Variants in SATB2 observed in about 807,000 individuals in gnomAD.
SATB2 encodes DNA-binding protein SATB2.
In SATB2, 1 loss-of-function variant was observed where a neutral mutation model predicts 73.4. The ratio of observed to expected loss-of-function variants is 0.01; its 90% CI spans 0.00 to 0.06. SATB2 has a LOEUF of 0.06. SATB2 is among the 10% of genes least tolerant of loss of function. The pLI is 1.00. For synonymous variants in SATB2, 397 were observed against 367.0 expected (o/e 1.08, Z -0.93); for missense variants, 459 against 945.8 (o/e 0.49, Z 6.75).
At chr2:199,436,682 A>G (rs999892889) in intron 2 of SATB2, among the ~76,000 whole-genome samples, 1 of 152,178 alleles carries the variant, frequency 6.6e-6, no homozygotes, top group African/African-American at 2.4e-5. Context: ...AGATGCAATT[A>G]CTAATGACAA....
intron 10 of SATB2, among the ~76,000 whole-genome samples, chr2:199,282,421 AAGG>A (rs879862146): frequency 3.3e-5 from 5 of 152,274 alleles, no homozygotes; most frequent in Non-Finnish European, 5.9e-5. Context: ...TACACGTGGT[AAGG>A]AGAAGTTTTG....
At chr2:199,395,230 A>AAT (rs1690263279) in intron 3 of SATB2, among the ~76,000 whole-genome samples, 1 of 152,166 alleles carries the variant, frequency 6.6e-6, no homozygotes, top group Non-Finnish European at 1.5e-5. Context: ...GTTTTATCAT[A>AAT]AACACCTTAT....
intron 7 of SATB2, among the ~76,000 whole-genome samples, chr2:199,344,857 C>T (rs1012340603): frequency 2.6e-5 from 4 of 152,174 alleles, no homozygotes; most frequent in African/African-American, 9.7e-5. Flanking sequence ...CAGCTAATCA[C>T]TCTTTAACTC....
upstream of SATB2, chr2:199,458,643 C>T: frequency 2.3e-6 from 1 of 439,384 alleles, no homozygotes; most frequent in Admixed American, 2.4e-5. Flanking sequence ...CGTCTGCCGG[C>T]GGAGACGCAG....
At chr2:199,381,878 T>C (rs947295131) in intron 3 of SATB2, 58 bp from the exon 4 acceptor site, 2 of 1,587,936 alleles carry the variant, frequency 1.3e-6, no homozygotes, top group Admixed American at 1.7e-5. Flanking sequence ...AACCTTCCCA[T>C]TGTTTGTTCA....
intron 5 of SATB2, among the ~76,000 whole-genome samples, chr2:199,371,575 T>G (rs1333866971): frequency 6.6e-6 from 1 of 152,200 alleles, no homozygotes; most frequent in Non-Finnish European, 1.5e-5. Context: ...GGATGAGTAA[T>G]AATTAATGTC....
intron 6 of SATB2, among the ~76,000 whole-genome samples, chr2:199,365,396 A>G (rs16831367): frequency 0.017 from 2,585 of 152,148 alleles, 73 homozygotes; most frequent in African/African-American, 0.058. Flanking sequence ...AAACAGATTC[A>G]TGGTCTTAGA....
At chr2:199,338,809 C>T (rs766081555) in intron 7 of SATB2, among the ~76,000 whole-genome samples, 2 of 150,260 alleles carry the variant, frequency 1.3e-5, no homozygotes, top group African/African-American at 2.4e-5. Context: ...CCCAGCTACT[C>T]GGGAGGCTGA....
upstream of SATB2, among the ~76,000 whole-genome samples, chr2:199,469,407 C>T (rs1692659953): frequency 6.6e-6 from 1 of 152,160 alleles, no homozygotes; most frequent in African/African-American, 2.4e-5. Context: ...TCTCCTCCGC[C>T]CCCCGGCGGT....
At chr2:199,278,168 C>T (rs1415554200) in intron 10 of SATB2, among the ~76,000 whole-genome samples, 2 of 152,050 alleles carry the variant, frequency 1.3e-5, no homozygotes, top group African/African-American at 4.8e-5. Flanking sequence ...GCATTGGAGC[C>T]CAGGCATGAA....
chr2:199,339,786 C>G (rs1414650735), intron 7 of SATB2, among the ~76,000 whole-genome samples: 2 of 152,132 alleles, frequency 1.3e-5, no homozygotes, highest in Non-Finnish European at 2.9e-5. Flanking sequence ...ATTGTGCCAA[C>G]CTTTGGCTAA....
intron 7 of SATB2, among the ~76,000 whole-genome samples, chr2:199,345,174 C>A (rs1201027186): frequency 6.6e-6 from 1 of 152,062 alleles, no homozygotes; most frequent in Non-Finnish European, 1.5e-5. Flanking sequence ...CCCTTCTCTC[C>A]CCTGACTCTT....
At chr2:199,364,633 T>C (rs1401269594) in intron 6 of SATB2, among the ~76,000 whole-genome samples, 1 of 152,162 alleles carries the variant, frequency 6.6e-6, no homozygotes, top group African/African-American at 2.4e-5. Flanking sequence ...CTCATTCTAA[T>C]GGTATTATTT....
At chr2:199,349,927 G>A (rs1688764917) in intron 6 of SATB2, among the ~76,000 whole-genome samples, 1 of 152,004 alleles carries the variant, frequency 6.6e-6, no homozygotes, top group African/African-American at 2.4e-5. Context: ...ATATATACAA[G>A]CATAAGGCAA....
intron 5 of SATB2, among the ~76,000 whole-genome samples, chr2:199,375,019 G>A (rs912951710): frequency 6.6e-6 from 1 of 151,346 alleles, no homozygotes; most frequent in African/African-American, 2.4e-5. Flanking sequence ...TGTCTCTTTA[G>A]TCATCCCATT....
chr2:199,283,916 T>C (rs1692608775), intron 10 of SATB2, among the ~76,000 whole-genome samples: 1 of 152,206 alleles, frequency 6.6e-6, no homozygotes, highest in Non-Finnish European at 1.5e-5. Context: ...CTTGTGTCAT[T>C]GTTGGACTTG....
intron 3 of SATB2, among the ~76,000 whole-genome samples, chr2:199,405,417 C>G (rs956872391): frequency 1.4e-4 from 22 of 152,038 alleles, no homozygotes; most frequent in African/African-American, 5.3e-4. Context: ...ACCAGGGGAC[C>G]CAATTCACTA....
chr2:199,360,386 T>A (rs955103677), intron 6 of SATB2, among the ~76,000 whole-genome samples: 3 of 152,116 alleles, frequency 2.0e-5, no homozygotes. Flanking sequence ...TCCCTCCTTG[T>A]TCCCCAGACA....
chr2:199,406,205 C>T (rs1440770672), intron 3 of SATB2, among the ~76,000 whole-genome samples: 4 of 152,024 alleles, frequency 2.6e-5, no homozygotes, highest in African/African-American at 9.7e-5. Flanking sequence ...TCCCCCTGGA[C>T]ACAAAAGGAT....
Sources: gnomAD v4.1 joint callset for allele counts (sites outside exome capture counted in the v4.1 genomes callset) on GRCh38, gnomAD v4.1.1 for gene constraint, MANE v1.5 for transcripts, NCBI Gene and HGNC (gene_info 2026-07-23, HGNC 2026-07-21) for gene names.